The following F11R variants were observed in gnomAD, a reference collection of about 807,000 sequenced individuals.
F11R encodes F11 receptor, also known as junctional adhesion molecule A.
F11R carries 27 observed loss-of-function variants against 39.3 expected under a neutral mutation model. That is an observed-to-expected ratio of 0.69 (90% CI 0.51 to 0.95). F11R has a LOEUF of 0.95. Ranked by LOEUF, F11R falls within the 40% of genes least tolerant of loss-of-function variation. The pLI, the probability that F11R is intolerant of heterozygous loss-of-function variation, is 0.00. For missense variants in F11R, 335 were observed against 372.7 expected (o/e 0.90, Z 0.83); for synonymous variants, 131 against 144.9 (o/e 0.90, Z 0.69).
chr1:161,000,543 C>T (rs1446224908), intron 4 of F11R, 88 bp downstream of exon 4: 3 of 1,570,668 alleles, frequency 1.9e-6, no homozygotes, highest in African/African-American at 1.4e-5. Flanking sequence ...TGTGGGTATT[C>T]TCACCATCAA....
chr1:161,003,551 C>T (rs1466511940), intron 1 of F11R, among the ~76,000 whole-genome samples: 2 of 152,150 alleles, frequency 1.3e-5, no homozygotes, highest in South Asian at 2.1e-4. Flanking sequence ...GCGTGAGCCA[C>T]GGCGACCGGC....
chr1:161,000,410 C>T (rs1648412734), intron 4 of F11R, 62 bp from the exon 5 acceptor site: 1 of 1,544,356 alleles, frequency 6.5e-7, no homozygotes, highest in Non-Finnish European at 8.9e-7. Context: ...GTCTAAGTAA[C>T]CAACTACAAT....
intron 4 of F11R, 117 bp from the exon 5 acceptor site, chr1:161,000,465 C>A: frequency 1.4e-6 from 2 of 1,399,996 alleles, no homozygotes; most frequent in Admixed American, 3.6e-5. Context: ...CTCACCATGC[C>A]CCTGGCTGCC....
intron 1 of F11R, among the ~76,000 whole-genome samples, chr1:161,015,407 A>AAAT (rs571469825): frequency 0.12 from 16,645 of 135,898 alleles, 1,303 homozygotes; most frequent in Non-Finnish European, 0.17. Context: ...CAAAAAAAAA[A>AAAT]ATATATATAT....
intron 1 of F11R, among the ~76,000 whole-genome samples, chr1:161,012,517 AAG>A (rs945410716): frequency 3.5e-4 from 53 of 152,068 alleles, no homozygotes; most frequent in African/African-American, 1.3e-3. Flanking sequence ...AAATTTTAAA[AAG>A]AGAGAGGCTC....
At chr1:161,012,617 T>TTTATTTAC (rs1348918190) in intron 1 of F11R, among the ~76,000 whole-genome samples, 2 of 150,414 alleles carry the variant, frequency 1.3e-5, no homozygotes, top group African/African-American at 4.9e-5. Context: ...TATTTATTTA[T>TTTATTTAC]TTATTTATTT....
intron 1 of F11R, among the ~76,000 whole-genome samples, chr1:161,001,903 G>A (rs570327454): frequency 1.3e-5 from 2 of 152,276 alleles, no homozygotes; most frequent in African/African-American, 4.8e-5. Context: ...TGACAGATCG[G>A]CAAGACGTAT....
intron 1 of F11R, among the ~76,000 whole-genome samples, chr1:161,009,458 CA>C (rs60908472): frequency 0.27 from 37,141 of 138,788 alleles, 4,698 homozygotes; most frequent in Middle Eastern, 0.31. Context: ...CCATCTGTAC[CA>C]AAAAAAAAAA....
chr1:161,000,587 A>T, intron 4 of F11R, 44 bp downstream of exon 4: 1 of 1,612,738 alleles, frequency 6.2e-7, no homozygotes. Context: ...CTGCTATGAG[A>T]AGTAACTAAC....
At chr1:161,010,368 C>T (rs563485643) in intron 1 of F11R, among the ~76,000 whole-genome samples, 47 of 133,098 alleles carry the variant, frequency 3.5e-4, no homozygotes, top group African/African-American at 1.2e-3. Flanking sequence ...TGCTTGAAGC[C>T]GAGAGGGGGA....
Position 161,001,059 on chromosome 1 carries a change from C to G in F11R, c.202G>C (p.Asp68His). Reference sequence around the variant, plus strand: ...TTATAGCAAACGAGTCTGGTGGTGTCTCCTTGGTCAAACTTCCACTCCACA... The same window carrying G: ...TTATAGCAAACGAGTCTGGTGGTGTGTCCTTGGTCAAACTTCCACTCCACA... ...PRVEWKFDQG[D>H]TTRLVCYNNK... The change falls in exon 3 of 10, where the codon GAC (aspartate) becomes CAC (histidine). Residue 68 changes from aspartate to histidine, a missense_variant. By Grantham distance (81) the Asp-to-His change is moderately conservative. Transcript: ENST00000368026. 2 of 1,614,142 alleles carry G rather than the reference C, an allele frequency of 1.2e-6. No homozygotes were observed.
rs1648097110 is a variant in F11R, at chr1:160,995,977, C to A, written c.*2894G>T. ...CCATGGAACTGCTCTCATTTTTTATCCCCTAAATGTCACTTTAACATAGGA... is the reference window on the plus strand; with the variant it reads ...CCATGGAACTGCTCTCATTTTTTATACCCTAAATGTCACTTTAACATAGGA... On this transcript the variant is annotated 3_prime_UTR_variant, in exon 10 of 10. Coordinates refer to ENST00000368026, the MANE Select transcript of F11R (RefSeq NM_016946.6). 6.6e-6 allele frequency: 1 copy of A among 152,292 alleles called. No homozygotes were observed. The highest frequency in any genetic ancestry group is 6.6e-5 in the Admixed American group (1 of 15,258). The allele number at this position is 152,292 out of a possible 1,614,324, so 9.4% of individuals were successfully genotyped here. A position where few individuals can be genotyped will look rare whatever the true frequency, so the allele number is the denominator to read the frequency against.
chr1:161,012,572 T>G lies in F11R; in HGVS notation c.64+8438A>C, dbSNP rs552488804. On this transcript the variant is annotated intron_variant, in intron 1 of 9. Transcript: ENST00000368026. ...AAAGAAAAAAAGAATTTTCCTTGAG[T>G]TGCTTTTGTGTCGTTTGAATTAATT... Among the ~76,000 whole-genome samples the G allele has an allele frequency of 6.6e-5, 10 of 151,444 alleles. No homozygotes were observed. In the South Asian group the frequency reaches 1.2e-3, roughly 19 times the overall value.
intron 1 of F11R, among the ~76,000 whole-genome samples, chr1:161,013,575 T>G (rs1029770945): frequency 6.6e-6 from 1 of 152,182 alleles, no homozygotes; most frequent in Non-Finnish European, 1.5e-5. Flanking sequence ...CCAGGGAAGT[T>G]CCACAGGGAA....
At position 161,006,092 on chromosome 1, in the gene F11R, C is replaced by T. The variant is rs983860213; in HGVS notation, c.65-4739G>A. Among the ~76,000 whole-genome samples the T allele has an allele frequency of 9.2e-5, 14 of 151,674 alleles. No homozygotes were observed. In the South Asian group the frequency reaches 2.3e-3, roughly 25 times the overall value. ...GGCGAAGGTTGCCGTGAGCCAAGAT[C>T]GCACCACTGCACTCCAGCCTGGGTA... On this transcript the variant is annotated intron_variant, in intron 1 of 9. Transcript: ENST00000368026.
chr1:161,009,340 G>C (rs1649001064), intron 1 of F11R, among the ~76,000 whole-genome samples: 1 of 151,774 alleles, frequency 6.6e-6, no homozygotes, highest in African/African-American at 2.4e-5. Context: ...AGTGAAAAGG[G>C]ACCATGTGTT....
rs1648480241 is a variant in F11R, at chr1:161,001,366, A to G, written c.65-13T>C. The G allele has an allele frequency of 1.2e-6, 2 of 1,611,294 alleles. No homozygotes were observed. Among genetic ancestry groups the G allele is most frequent in the African/African-American group, 2.7e-5 (2 of 75,006 alleles). On this transcript the variant is annotated splice_polypyrimidine_tract_variant and intron_variant, in intron 1 of 9. Transcript: ENST00000368026. ...AATGCCAGGGAGCCTAAGGAGAAAG[A>G]AAGAGGTGGGCCCTGTCAGGAGTGG...
At chr1:161,008,944 C>A (rs957267081) in intron 1 of F11R, among the ~76,000 whole-genome samples, 5 of 152,272 alleles carry the variant, frequency 3.3e-5, no homozygotes, top group Middle Eastern at 3.4e-3. Flanking sequence ...TCTCTCCCAC[C>A]AGGAAGTGCT....
At chr1:161,007,311 C>G (rs564561970) in intron 1 of F11R, among the ~76,000 whole-genome samples, 10 of 150,156 alleles carry the variant, frequency 6.7e-5, no homozygotes, top group African/African-American at 2.5e-4. Context: ...ACTAAAAATA[C>G]AAAATTAACC....
Sources: gnomAD v4.1 joint callset for allele counts (sites outside exome capture counted in the v4.1 genomes callset) on GRCh38, gnomAD v4.1.1 for gene constraint, MANE v1.5 for transcripts, NCBI Gene and HGNC (gene_info 2026-07-23, HGNC 2026-07-21) for gene names.